CFAP299: variants seen among roughly 807,000 people sequenced by gnomAD.
CFAP299 encodes cilia and flagella associated protein 299, also known as cilia- and flagella-associated protein 299.
In CFAP299, 21 loss-of-function variants were observed where a neutral mutation model predicts 27.0. The observed-to-expected ratio is 0.78, with a 90% CI of 0.55 to 1.12. The LOEUF (loss-of-function observed/expected upper bound fraction) is 1.12, where lower values mean the gene tolerates loss of function less well. CFAP299 is among the 50% of genes most tolerant of loss of function. The pLI is 0.00. For synonymous variants in CFAP299, 104 were observed against 98.1 expected, an observed-to-expected ratio of 1.06 and a Z score of -0.36; for missense variants, 310 against 276.6, an observed-to-expected ratio of 1.12 and a Z score of -0.86.
intron 4 of CFAP299, among the ~76,000 whole-genome samples, chr4:80,940,597 C>T (rs1446519023): frequency 6.6e-6 from 1 of 152,168 alleles, no homozygotes; most frequent in Non-Finnish European, 1.5e-5. Flanking sequence ...ATCGCTGTTG[C>T]TGTAGGGGAG....
chr4:80,865,924 T>TG (rs1336686637), intron 3 of CFAP299, among the ~76,000 whole-genome samples: 1 of 17,692 alleles, frequency 5.7e-5, no homozygotes, highest in Non-Finnish European at 1.1e-4. Context: ...TGTTGTGGGG[T>TG]GGGGGGAGGG....
chr4:80,690,126 C>G (rs1578022673), intron 3 of CFAP299, among the ~76,000 whole-genome samples: 2 of 149,358 alleles, frequency 1.3e-5, no homozygotes, highest in South Asian at 4.2e-4. Context: ...CAACATTAGG[C>G]AGATCAACGA....
chr4:80,744,845 T>C (rs1233840936), intron 3 of CFAP299, among the ~76,000 whole-genome samples: 1 of 152,152 alleles, frequency 6.6e-6, no homozygotes, highest in Non-Finnish European at 1.5e-5. Flanking sequence ...GATATTTAAC[T>C]GGGTGAAGAG....
intron 1 of CFAP299, among the ~76,000 whole-genome samples, chr4:80,360,299 C>A (rs1371988894): frequency 6.6e-6 from 1 of 152,184 alleles, no homozygotes; most frequent in Non-Finnish European, 1.5e-5. Flanking sequence ...AGAGGCAATG[C>A]AGCTGGAGGG....
intron 2 of CFAP299, among the ~76,000 whole-genome samples, chr4:80,431,223 C>A (rs1727800535): frequency 6.6e-6 from 1 of 152,192 alleles, no homozygotes; most frequent in African/African-American, 2.4e-5. Flanking sequence ...TGTTCAGTAA[C>A]TGGAATGGTA....
chr4:80,851,153 T>C (rs1731499930), intron 3 of CFAP299, among the ~76,000 whole-genome samples: 1 of 152,128 alleles, frequency 6.6e-6, no homozygotes, highest in South Asian at 2.1e-4. Flanking sequence ...TAAAAGCTTC[T>C]GGTGTATAAG....
At chr4:80,400,202 T>C (rs1434534083) in intron 2 of CFAP299, among the ~76,000 whole-genome samples, 3 of 152,184 alleles carry the variant, frequency 2.0e-5, no homozygotes, top group Admixed American at 6.5e-5. Flanking sequence ...ATTTTGTATA[T>C]GATATAATAG....
At chr4:80,533,693 T>C (rs1235773539) in intron 2 of CFAP299, among the ~76,000 whole-genome samples, 1 of 152,188 alleles carries the variant, frequency 6.6e-6, no homozygotes, top group African/African-American at 2.4e-5. Context: ...TAGCAATACA[T>C]ATTAAAAGCC....
chr4:80,393,560 T>C (rs886311401), intron 2 of CFAP299, among the ~76,000 whole-genome samples: 3 of 152,170 alleles, frequency 2.0e-5, no homozygotes, highest in African/African-American at 7.2e-5. Context: ...GTACCTTTTC[T>C]ATGTTTAGAT....
intron 3 of CFAP299, among the ~76,000 whole-genome samples, chr4:80,634,076 C>T (rs990528973): frequency 6.6e-6 from 1 of 151,132 alleles, no homozygotes; most frequent in East Asian, 1.9e-4. Flanking sequence ...CTTCACCTCC[C>T]GGGTTCAAGT....
intron 4 of CFAP299, among the ~76,000 whole-genome samples, chr4:80,916,472 G>T (rs72865192): frequency 6.6e-6 from 1 of 151,346 alleles, no homozygotes; most frequent in African/African-American, 2.4e-5. Context: ...AATTTCTGAC[G>T]CTTGTTTTAA....
chr4:80,486,840 A>G (rs1208551012), intron 2 of CFAP299, among the ~76,000 whole-genome samples: 3 of 152,220 alleles, frequency 2.0e-5, no homozygotes, highest in African/African-American at 7.2e-5. Context: ...GCCCACCTGC[A>G]TTTAGTCTAG....
At chr4:80,866,059 T>TTTTATATATATATATATA (rs886156357) in intron 3 of CFAP299, among the ~76,000 whole-genome samples, 23 of 58,382 alleles carry the variant, frequency 3.9e-4, no homozygotes, top group East Asian at 1.1e-3. Flanking sequence ...ACTTAAAGTA[T>TTTTATATATATATATATA]TATATATATA....
chr4:80,472,515 G>T (rs1730054925), intron 2 of CFAP299, among the ~76,000 whole-genome samples: 1 of 152,184 alleles, frequency 6.6e-6, no homozygotes, highest in Non-Finnish European at 1.5e-5. Context: ...TGTGAATGAG[G>T]TGATGCCATG....
chr4:80,799,714 A>G (rs1317664522), intron 3 of CFAP299, among the ~76,000 whole-genome samples: 1 of 55,946 alleles, frequency 1.8e-5, no homozygotes, highest in African/African-American at 8.0e-5. Context: ...TATATTTTAT[A>G]TATTATATTT....
intron 3 of CFAP299, among the ~76,000 whole-genome samples, chr4:80,700,215 G>A (rs1721386440): frequency 6.6e-6 from 1 of 152,052 alleles, no homozygotes; most frequent in South Asian, 2.1e-4. Context: ...TACTAGATGT[G>A]TGACCTTGGG....
At chr4:80,884,512 A>T (rs918113721) in intron 4 of CFAP299, among the ~76,000 whole-genome samples, 3 of 152,164 alleles carry the variant, frequency 2.0e-5, no homozygotes, top group African/African-American at 7.2e-5. Flanking sequence ...CAGCAAAAGC[A>T]GTTCCAAAAG....
At chr4:80,382,562 G>A (rs1724759562) in intron 2 of CFAP299, among the ~76,000 whole-genome samples, 1 of 152,122 alleles carries the variant, frequency 6.6e-6, no homozygotes, top group Non-Finnish European at 1.5e-5. Context: ...AGACATACAT[G>A]TGGCCAACAA....
chr4:80,729,162 C>G (rs892620304), intron 3 of CFAP299, among the ~76,000 whole-genome samples: 4 of 152,208 alleles, frequency 2.6e-5, no homozygotes, highest in Non-Finnish European at 5.9e-5. Flanking sequence ...CCAGTTTGCT[C>G]TCTTAGGCAG....
Sources: gnomAD v4.1 joint callset for allele counts (sites outside exome capture counted in the v4.1 genomes callset) on GRCh38, gnomAD v4.1.1 for gene constraint, MANE v1.5 for transcripts, NCBI Gene and HGNC (gene_info 2026-07-23, HGNC 2026-07-21) for gene names.